Variants in TIMM23 observed in about 807,000 individuals in gnomAD.
TIMM23 encodes mitochondrial import inner membrane translocase subunit Tim23.
A neutral mutation model predicts 30.7 loss-of-function variants in TIMM23; 19 were observed. That is an observed-to-expected ratio of 0.62 (90% CI 0.43 to 0.91). The LOEUF (loss-of-function observed/expected upper bound fraction) is 0.91, where lower values mean the gene tolerates loss of function less well. TIMM23 is among the 40% of genes least tolerant of loss of function. The pLI, the probability that TIMM23 is intolerant of heterozygous loss-of-function variation, is 0.00. For missense variants in TIMM23, 202 were observed against 269.2 expected (o/e 0.75, Z 1.75); for synonymous variants, 78 against 98.5 (o/e 0.79, Z 1.23).
chr10:46,001,152 A>G (rs1838520956), intron 6 of TIMM23, among the ~76,000 whole-genome samples: 2 of 152,180 alleles, frequency 1.3e-5, no homozygotes, highest in Non-Finnish European at 1.5e-5. Context: ...TCCTTATTAA[A>G]CTGAACAGAT....
At chr10:46,002,332 C>T (rs1490840946) in intron 6 of TIMM23, 10 of 159,710 alleles carry the variant, frequency 6.3e-5, no homozygotes, top group African/African-American at 2.4e-4. Flanking sequence ...CATGCCACCC[C>T]ACTAAGCTAA....
chr10:45,990,022 G>T (rs1377267695), intron 6 of TIMM23, among the ~76,000 whole-genome samples: 3 of 151,410 alleles, frequency 2.0e-5, no homozygotes, highest in African/African-American at 7.3e-5. Flanking sequence ...TTAAGTCAAG[G>T]TTTTTATCTT....
intron 1 of TIMM23, among the ~76,000 whole-genome samples, chr10:45,973,053 G>A (rs4356178): frequency 6.6e-6 from 1 of 152,232 alleles, no homozygotes; most frequent in Non-Finnish European, 1.5e-5. Flanking sequence ...GAGTAGAGCC[G>A]AGCTTTGGGA....
intron 6 of TIMM23, among the ~76,000 whole-genome samples, chr10:46,000,174 A>C (rs782315326): frequency 2.6e-5 from 4 of 152,212 alleles, no homozygotes; most frequent in Non-Finnish European, 5.9e-5. Flanking sequence ...CAGGATTAAG[A>C]GATTAAGGTA....
rs1266732654 is a variant in TIMM23 at position 45,993,329 on chromosome 10, TCTGCCTC to T, written c.514+4493_514+4499del. The stretch of plus-strand genomic sequence containing the variant: ...GGCATGATCTCGGCTCACAGCACCC[TCTGCCTC>T]CTGCCTCCTGAGTTCGAGCGATTCT... On this transcript the variant is annotated intron_variant, in intron 6 of 6. Coordinates refer to ENST00000580018, the MANE Select transcript of TIMM23 (RefSeq NM_006327.4). Among the ~76,000 whole-genome samples, 698 of 147,394 alleles carry T rather than the reference TCTGCCTC, an allele frequency of 4.7e-3. 5 individuals carry two copies. Among genetic ancestry groups the T allele is most frequent in the East Asian group, 0.02 (95 of 4,806 alleles).
chr10:46,000,487 T>A (rs1262716723), intron 6 of TIMM23, among the ~76,000 whole-genome samples: 1 of 152,226 alleles, frequency 6.6e-6, no homozygotes, highest in African/African-American at 2.4e-5. Flanking sequence ...TCCAAAGTGC[T>A]GGGATTACAA....
intron 2 of TIMM23, among the ~76,000 whole-genome samples, chr10:45,980,749 A>G (rs1356420688): frequency 6.6e-6 from 1 of 152,008 alleles, no homozygotes; most frequent in Non-Finnish European, 1.5e-5. Context: ...GTTTTTAGTA[A>G]ATCTTCTATA....
intron 6 of TIMM23, among the ~76,000 whole-genome samples, chr10:46,001,609 G>T (rs1838540299): frequency 6.6e-6 from 1 of 152,084 alleles, no homozygotes; most frequent in South Asian, 2.1e-4. Context: ...AGAATTGACA[G>T]GCACGGAGCT....
In TIMM23 at chr10:45,982,612, G is replaced by A. The variant is rs1837879688; in HGVS notation, c.255G>A (p.Met85Ile). ...LAFFTIGGCC[M>I]TGAAFGAMNG... ...TCTTTACGATTGGAGGATGTTGCAT[G>A]ACAGGTGAGTGTTACATACTTTTTT... The change falls in exon 3 of 7, where the codon ATG becomes ATA. Residue 85 changes from methionine (M) to isoleucine (I), a missense_variant. By Grantham distance (10) the Met-to-Ile change is conservative (BLOSUM62 1). Coordinates refer to ENST00000580018, the MANE Select transcript of TIMM23 (RefSeq NM_006327.4). The A allele has an allele frequency of 6.2e-7, 1 of 1,613,792 alleles. No homozygotes were observed. Among genetic ancestry groups the A allele is most frequent in the Non-Finnish European group, 8.5e-7 (1 of 1,179,870 alleles).
intron 5 of TIMM23, among the ~76,000 whole-genome samples, chr10:45,988,398 GTGTGGGGAAAGATTAGAGTCCTGC>G (rs1412353823): frequency 4.6e-5 from 7 of 152,126 alleles, no homozygotes; most frequent in African/African-American, 1.7e-4. Context: ...AGACAGAAAG[GTGTGGGGAAAGATTAGAGTCCTGC>G]TGTGGGGAGA....
rs868913935 is a variant in TIMM23, at chr10:45,976,738, A to G, written c.165+1226A>G. Among the ~76,000 whole-genome samples the G allele has an allele frequency of 4.8e-3, 729 of 152,224 alleles. 6 individuals are homozygous for G. The highest frequency in any genetic ancestry group is 0.017 in the African/African-American group (696 of 41,514). ...CCTTCTCCCTAAGATCAGGAACAAA[A>G]TAAGTATATTTACTCTCATTTATAT... On this transcript the variant is annotated intron_variant, in intron 2 of 6. Transcript: ENST00000580018.
chr10:46,001,659 C>CT (rs1461963877), intron 6 of TIMM23, among the ~76,000 whole-genome samples: 1 of 152,170 alleles, frequency 6.6e-6, no homozygotes, highest in Admixed American at 6.5e-5. Context: ...CGCTCTACCT[C>CT]TGTCTCCCTA....
Position 45,982,515 on chromosome 10 carries a change from C to T in TIMM23, c.166-8C>T. On this transcript the variant is annotated splice_polypyrimidine_tract_variant and splice_region_variant and intron_variant, in intron 2 of 6. Coordinates refer to ENST00000580018, the MANE Select transcript of TIMM23 (RefSeq NM_006327.4). ...CACTCAGCTTGGTTTTCATTATTATCCTTTTAGGATACAGATGAGTTTATT... is the reference window on the plus strand; with the variant it reads ...CACTCAGCTTGGTTTTCATTATTATTCTTTTAGGATACAGATGAGTTTATT... The T allele has an allele frequency of 6.2e-7, 1 of 1,613,742 alleles. No homozygotes were observed. The highest frequency in any genetic ancestry group is 2.2e-5 in the East Asian group (1 of 44,876).
intron 5 of TIMM23, 145 bp downstream of exon 5, chr10:45,985,586 A>G: frequency 9.8e-7 from 1 of 1,018,858 alleles, no homozygotes; most frequent in Non-Finnish European, 1.5e-6. Flanking sequence ...GATACTACTT[A>G]GGGAAAGACC....
chr10:45,992,562 CTT>C (rs35656774), intron 6 of TIMM23: 3,471 of 393,436 alleles, frequency 8.8e-3, no homozygotes, highest in South Asian at 0.012. Flanking sequence ...CTTTTTTTTC[CTT>C]TTTTTTTTTT....
intron 6 of TIMM23, among the ~76,000 whole-genome samples, chr10:46,000,118 G>T (rs920816189): frequency 9.9e-5 from 15 of 152,106 alleles, no homozygotes; most frequent in Non-Finnish European, 1.9e-4. Flanking sequence ...TGCGGTTAAC[G>T]CAATTATCAC....
intron 6 of TIMM23, among the ~76,000 whole-genome samples, chr10:45,994,070 G>C (rs1431296596): frequency 6.6e-6 from 1 of 151,950 alleles, no homozygotes; most frequent in Non-Finnish European, 1.5e-5. Flanking sequence ...TGCTGGGTGT[G>C]GTGGCTCACC....
At chr10:45,991,287 A>G (rs1838155521) in intron 6 of TIMM23, among the ~76,000 whole-genome samples, 1 of 152,216 alleles carries the variant, frequency 6.6e-6, no homozygotes, top group Non-Finnish European at 1.5e-5. Flanking sequence ...ATTACATAGA[A>G]AGGCAGCATG....
chr10:46,001,374 TAG>T lies in TIMM23; in HGVS notation c.515-1827_515-1826del, dbSNP rs370423993. Among the ~76,000 whole-genome samples, 97 of 152,282 alleles carry T rather than the reference TAG, an allele frequency of 6.4e-4. 1 individual carries two copies. In the East Asian group the frequency reaches 0.015, roughly 23 times the overall value. Reference sequence around the variant, plus strand: ...GGTCCCCCTACATGACAGCTGTTTATAGATAATGTCTGCAGTTTCTGTTTGAG... The same window carrying T: ...GGTCCCCCTACATGACAGCTGTTTATATAATGTCTGCAGTTTCTGTTTGAG... On this transcript the variant is annotated intron_variant, in intron 6 of 6. Transcript: ENST00000580018.
Sources: gnomAD v4.1 joint callset for allele counts (sites outside exome capture counted in the v4.1 genomes callset) on GRCh38, gnomAD v4.1.1 for gene constraint, MANE v1.5 for transcripts, NCBI Gene and HGNC (gene_info 2026-07-23, HGNC 2026-07-21) for gene names.